AFG1L: variants seen among roughly 807,000 people sequenced by gnomAD.
AFG1L encodes AFG1-like ATPase.
In AFG1L, 53 loss-of-function variants were observed where a neutral mutation model predicts 62.2. The ratio of observed to expected loss-of-function variants is 0.85; its 90% CI spans 0.68 to 1.07. AFG1L has a LOEUF of 1.07. Ranked by LOEUF, AFG1L falls within the 50% of genes least tolerant of loss-of-function variation. AFG1L has a pLI of 0.00. For missense variants in AFG1L, 555 were observed against 590.5 expected, an observed-to-expected ratio of 0.94 and a Z score of 0.62; for synonymous variants, 228 against 210.3, an observed-to-expected ratio of 1.08 and a Z score of -0.73.
intron 11 of AFG1L, among the ~76,000 whole-genome samples, chr6:108,514,350 C>T (rs1249229785): frequency 1.3e-5 from 2 of 152,146 alleles, no homozygotes; most frequent in Non-Finnish European, 1.5e-5. Flanking sequence ...ATTCAACATT[C>T]TTAAAGAAAA....
chr6:108,338,947 A>G (rs993104393), intron 2 of AFG1L, among the ~76,000 whole-genome samples: 1 of 152,092 alleles, frequency 6.6e-6, no homozygotes, highest in Admixed American at 6.6e-5. Flanking sequence ...CAGCGGCATG[A>G]TCTCAGCTCG....
intron 7 of AFG1L, among the ~76,000 whole-genome samples, chr6:108,432,887 C>T (rs994671994): frequency 6.6e-6 from 1 of 152,340 alleles, no homozygotes; most frequent in African/African-American, 2.4e-5. Context: ...TTGAGAACCA[C>T]TGGTCTACCA....
chr6:108,522,407 A>G lies in AFG1L; in HGVS notation c.1428A>G (p.Gly476=), dbSNP rs776069598. The G allele has an allele frequency of 8.7e-6, 14 of 1,610,370 alleles. No individual in the cohort carries two copies. In the South Asian group the frequency reaches 1.5e-4, roughly 18 times the overall value. Residue 476 remains glycine, a synonymous_variant, in exon 13 of 13, where the codon GGA becomes GGG. Transcript: ENST00000368977. ...AGACTGAACAGTACTGGAATGAAGG[A>G]GACAGAACCAAGAAGTAACTGCCAC... The part of the protein sequence containing the change: ...EMQTEQYWNE[G]DRTKK
intron 7 of AFG1L, among the ~76,000 whole-genome samples, chr6:108,427,397 T>C (rs1055808708): frequency 1.2e-4 from 19 of 152,228 alleles, no homozygotes; most frequent in Non-Finnish European, 2.6e-4. Flanking sequence ...GCTATTTTTG[T>C]ATACTTAGGT....
intron 6 of AFG1L, among the ~76,000 whole-genome samples, chr6:108,398,180 G>C (rs1781400946): frequency 6.6e-6 from 1 of 152,044 alleles, no homozygotes; most frequent in Non-Finnish European, 1.5e-5. Flanking sequence ...TTGTAGTTTT[G>C]ATTTGCATTT....
chr6:108,336,509 AG>A (rs1330868296), intron 2 of AFG1L, among the ~76,000 whole-genome samples: 4 of 152,194 alleles, frequency 2.6e-5, no homozygotes, highest in Non-Finnish European at 4.4e-5. Context: ...TTAATATCAT[AG>A]GGAACAAAGG....
intron 1 of AFG1L, among the ~76,000 whole-genome samples, chr6:108,319,441 A>AT (rs1211496126): frequency 2.0e-5 from 3 of 150,836 alleles, no homozygotes; most frequent in Non-Finnish European, 4.4e-5. Context: ...CTAATTAAAA[A>AT]TTTTTTTTTT....
chr6:108,357,425 A>T (rs1160168676), intron 5 of AFG1L, among the ~76,000 whole-genome samples: 1 of 152,134 alleles, frequency 6.6e-6, no homozygotes, highest in African/African-American at 2.4e-5. Context: ...AAGAAGAAGA[A>T]AAAGAAGAAA....
At chr6:108,302,933 C>CA (rs758886308) in intron 1 of AFG1L, among the ~76,000 whole-genome samples, 1,680 of 144,168 alleles carry the variant, frequency 0.012, 18 homozygotes, top group African/African-American at 0.035. Flanking sequence ...GTCAATAGCT[C>CA]AAAAAAAAAA....
rs58365750 is a variant in AFG1L at position 108,438,009 on chromosome 6, A to G, written c.808-9205A>G. Among the ~76,000 whole-genome samples the G allele has an allele frequency of 4.4e-3, 671 of 152,342 alleles. 5 individuals carry two copies. The highest frequency in any genetic ancestry group is 0.014 in the African/African-American group (594 of 41,574). ...TTTTCTTTTGGCTGTGGCTGCAGAA[A>G]GAGTCAGATTGTGACTCACCTCACA... On this transcript the variant is annotated intron_variant, in intron 7 of 12. Coordinates refer to ENST00000368977, the MANE Select transcript of AFG1L (RefSeq NM_145315.5).
intron 7 of AFG1L, among the ~76,000 whole-genome samples, chr6:108,405,500 C>T (rs1270792039): frequency 6.6e-6 from 1 of 152,098 alleles, no homozygotes; most frequent in Non-Finnish European, 1.5e-5. Context: ...GCGTATTCCA[C>T]CATGCCCAGC....
At chr6:108,427,517 A>ATT (rs34500468) in intron 7 of AFG1L, among the ~76,000 whole-genome samples, 35 of 100,238 alleles carry the variant, frequency 3.5e-4, no homozygotes, top group Non-Finnish European at 5.6e-4. Context: ...TCAAAATGGA[A>ATT]TTTTTTTTTT....
chr6:108,422,130 T>C (rs548671654), intron 7 of AFG1L, among the ~76,000 whole-genome samples: 1 of 152,182 alleles, frequency 6.6e-6, no homozygotes, highest in East Asian at 1.9e-4. Context: ...ATTTAAGTTT[T>C]TAAGTGGAAA....
chr6:108,514,591 A>C (rs962971973), intron 11 of AFG1L, among the ~76,000 whole-genome samples: 17 of 152,278 alleles, frequency 1.1e-4, no homozygotes, highest in Non-Finnish European at 2.1e-4. Context: ...TGCATCCACT[A>C]ACGAGCAAAA....
chr6:108,435,653 C>G (rs1771275640), intron 7 of AFG1L, among the ~76,000 whole-genome samples: 1 of 152,112 alleles, frequency 6.6e-6, no homozygotes, highest in Admixed American at 6.5e-5. Flanking sequence ...GTGTGTGGCA[C>G]TCAGGGTGTG....
chr6:108,389,100 C>A (rs1457137032), intron 6 of AFG1L, among the ~76,000 whole-genome samples: 2 of 152,178 alleles, frequency 1.3e-5, no homozygotes, highest in Non-Finnish European at 2.9e-5. Context: ...GTTAGCTCTT[C>A]CTGTTGAATT....
At chr6:108,517,863 CAAA>C (rs1774965600) in intron 11 of AFG1L, among the ~76,000 whole-genome samples, 1 of 152,200 alleles carries the variant, frequency 6.6e-6, no homozygotes, top group African/African-American at 2.4e-5. Flanking sequence ...AGACACTTCT[CAAA>C]AGAAGACATT....
At chr6:108,501,212 C>T (rs7763471) in intron 10 of AFG1L, among the ~76,000 whole-genome samples, 2,687 of 152,270 alleles carry the variant, frequency 0.018, 87 homozygotes, top group African/African-American at 0.061. Context: ...CCAGGCTGGT[C>T]TTGAACTCCT....
chr6:108,499,762 C>T (rs1456779927), intron 10 of AFG1L, among the ~76,000 whole-genome samples: 1 of 151,522 alleles, frequency 6.6e-6, no homozygotes, highest in Non-Finnish European at 1.5e-5. Context: ...GTCCCCATCA[C>T]CCCCAAAAAA....
Sources: gnomAD v4.1 joint callset for allele counts (sites outside exome capture counted in the v4.1 genomes callset) on GRCh38, gnomAD v4.1.1 for gene constraint, MANE v1.5 for transcripts, NCBI Gene and HGNC (gene_info 2026-07-23, HGNC 2026-07-21) for gene names.